Variants in LAMA1 observed in about 807,000 individuals in gnomAD.
LAMA1 encodes the protein laminin subunit alpha-1.
LAMA1 carries 219 observed loss-of-function variants against 348.7 expected under a neutral mutation model. That is an observed-to-expected ratio of 0.63 (90% CI 0.56 to 0.70). LAMA1 has a LOEUF of 0.70. LAMA1 is among the 30% of genes least tolerant of loss of function. The pLI, the probability that LAMA1 is intolerant of heterozygous loss-of-function variation, is 0.00. For synonymous variants in LAMA1, 1,487 were observed against 1,491.0 expected, an observed-to-expected ratio of 1.00 and a Z score of 0.06; for missense variants, 3,744 against 3,888.0, an observed-to-expected ratio of 0.96 and a Z score of 0.99.
At chr18:7,096,474 C>T (rs61655688) in intron 1 of LAMA1, among the ~76,000 whole-genome samples, 4,898 of 152,062 alleles carry the variant, frequency 0.032, 201 homozygotes, top group African/African-American at 0.093. Context: ...CCCAGGAGTA[C>T]AACACCAGCC....
Position 7,048,411 on chromosome 18 carries a change from T to C in LAMA1, c.768+667A>G, listed in dbSNP as rs1178066558. ...GTCAGACTACAAAAACGGACACAAC[T>C]ACTTTTATTTTTATTTTTTAAATAG... On this transcript the variant is annotated intron_variant, in intron 5 of 62. Transcript: ENST00000389658. Among the ~76,000 whole-genome samples, 3 of 152,046 alleles carry C rather than the reference T, an allele frequency of 2.0e-5. No individual in the cohort carries two copies. In the East Asian group the frequency reaches 5.8e-4, roughly 29 times the overall value.
At position 7,036,908 on chromosome 18, in the gene LAMA1, T is replaced by C. The variant is rs145800062; in HGVS notation, c.1737+670A>G. Among the ~76,000 whole-genome samples the C allele has an allele frequency of 1.1e-3, 165 of 152,108 alleles. 1 individual carries two copies. In the Middle Eastern group the frequency reaches 0.017, roughly 16 times the overall value. ...AAGCAGGGAGCTATAATAATTGAGA[T>C]GCATTCTCGGGAATAAATTTTCGTA... is the stretch of plus-strand genomic sequence containing the variant. On this transcript the variant is annotated intron_variant, in intron 12 of 62. Transcript: ENST00000389658.
At chr18:7,077,265 A>G (rs2058172871) in intron 3 of LAMA1, among the ~76,000 whole-genome samples, 1 of 140,188 alleles carries the variant, frequency 7.1e-6, no homozygotes, top group South Asian at 2.2e-4. Flanking sequence ...GCAGTGGTGC[A>G]GTCTCGGCTC....
Position 6,942,127 on chromosome 18 carries a change from G to T in LAMA1, c.9180C>A (p.Phe3060Leu), listed in dbSNP as rs757843635. ...AATGAAGGAAAACTCCGTGCAGTTC[G>T]AACGCTCTGCTGAAGTCAAAGGACT... ...QVQSFDFSRA[F>L]ELHGVFLHSC... is the part of the protein sequence containing the mutation. Residue 3060 changes from phenylalanine (F) to leucine (L), a missense_variant, in exon 63 of 63, where the codon TTC becomes TTA. Physicochemically the swap from Phe to Leu is conservative, Grantham distance 22 (BLOSUM62 0). Around this residue, in one of 3 missense-constraint regions of LAMA1, gnomAD observed 232 missense variants for 264.4 expected, o/e 0.88. Coordinates refer to ENST00000389658, the MANE Select transcript of LAMA1 (RefSeq NM_005559.4). The T allele has an allele frequency of 1.9e-6, 3 of 1,614,154 alleles. No homozygotes were observed. The highest frequency in any genetic ancestry group is 1.1e-5 in the South Asian group (1 of 91,076).
At chr18:7,010,452 G>C in intron 25 of LAMA1, 67 bp from the exon 26 acceptor site, 1 of 1,396,160 alleles carries the variant, frequency 7.2e-7, no homozygotes, top group Non-Finnish European at 1.0e-6. Flanking sequence ...TTTATTGCAA[G>C]ACTGCCACCA....
chr18:7,028,955 A>G (rs1039209249), intron 16 of LAMA1, among the ~76,000 whole-genome samples: 5 of 152,156 alleles, frequency 3.3e-5, no homozygotes, highest in African/African-American at 2.4e-5. Context: ...CTCATTTTAC[A>G]TACTTTCATT....
chr18:7,007,295 G>C lies in LAMA1; in HGVS notation c.4123-19C>G. ...CGCAGTCCTGAGGGGGTGCAAAAGG[G>C]AGGACAAAAAAGTCTGATTAATGAG... is the stretch of plus-strand genomic sequence containing the variant. On this transcript the variant is annotated intron_variant, in intron 28 of 62. Coordinates refer to ENST00000389658, the MANE Select transcript of LAMA1 (RefSeq NM_005559.4). The C allele has an allele frequency of 1.2e-6, 2 of 1,609,050 alleles. No individual in the cohort carries two copies. The highest frequency in any genetic ancestry group is 1.7e-6 in the Non-Finnish European group (2 of 1,177,530).
At chr18:7,022,500 G>A (rs1191520821) in intron 19 of LAMA1, among the ~76,000 whole-genome samples, 13 of 152,254 alleles carry the variant, frequency 8.5e-5, no homozygotes, top group South Asian at 6.2e-4. Context: ...TCCCCATGTC[G>A]TAGTACCATA....
At chr18:7,117,589 G>C in intron 1 of LAMA1, 71 bp downstream of exon 1, 1 of 1,514,928 alleles carries the variant, frequency 6.6e-7, no homozygotes, top group East Asian at 2.4e-5. Flanking sequence ...AACGCGACGG[G>C]CTTTGTCCGC....
chr18:7,004,567 G>T (rs960421396), intron 29 of LAMA1, among the ~76,000 whole-genome samples: 38 of 152,230 alleles, frequency 2.5e-4, no homozygotes, highest in African/African-American at 9.2e-4. Context: ...GGTCAGGCTG[G>T]TCTCAAACTC....
Position 6,942,117 on chromosome 18 carries a change from C to A in LAMA1, c.9190G>T (p.Gly3064Ter). The A allele has an allele frequency of 6.2e-7, 1 of 1,614,164 alleles. No homozygotes were observed. Among genetic ancestry groups the A allele is most frequent in the South Asian group, 1.1e-5 (1 of 91,082 alleles). ...FDFSRAFELH[G>*]VFLHSCPGTE... ...CCAGGACAGGAATGAAGGAAAACTCCGTGCAGTTCGAACGCTCTGCTGAAG... is the reference window on the plus strand; with the variant it reads ...CCAGGACAGGAATGAAGGAAAACTCAGTGCAGTTCGAACGCTCTGCTGAAG... Residue 3064 changes from glycine to a stop codon, truncating the protein, a stop_gained, in exon 63 of 63, where the codon GGA becomes TGA. Coordinates refer to ENST00000389658, the MANE Select transcript of LAMA1 (RefSeq NM_005559.4). LOFTEE classifies it high-confidence loss of function.
rs755323688 is a variant in LAMA1, at chr18:7,043,344, C to T, written c.1038G>A (p.Lys346=). 7 of 1,613,958 alleles carry T rather than the reference C, an allele frequency of 4.3e-6. No individual in the cohort carries two copies. Among genetic ancestry groups the T allele is most frequent in the Non-Finnish European group, 5.9e-6 (7 of 1,180,024 alleles). ...CYYDESVAKQ[K]KSLNTAGQFR... ...ACTGTCCAGCAGTATTCAAACTTTT[C>T]TTCTGCTTTGCAACACTTTCATCAT... Residue 346 remains lysine (K), a synonymous_variant, in exon 8 of 63, where the codon AAG becomes AAA. Transcript: ENST00000389658.
At position 6,942,202 on chromosome 18, in the gene LAMA1, C is replaced by T. The variant is rs757140298; in HGVS notation, c.9105G>A (p.Ser3035=). 85 of 1,613,984 alleles carry T rather than the reference C, an allele frequency of 5.3e-5. No homozygotes were observed. The South Asian group carries it at 5.9e-4, about 11-fold the overall frequency. ...CTAGCTTCCTCAAACACCCGCGGAA[C>T]GAGGTCTGGCTGCGCAGGCATTTTT... is the stretch of plus-strand genomic sequence containing the variant. ...VKQKCLRSQT[S]FRGCLRKLAL... The change falls in exon 63 of 63, where the codon TCG becomes TCA. Residue 3035 remains serine (S), a synonymous_variant. Coordinates refer to ENST00000389658, the MANE Select transcript of LAMA1 (RefSeq NM_005559.4).
chr18:7,035,914 G>A, intron 13 of LAMA1, 73 bp downstream of exon 13: 13 of 1,285,248 alleles, frequency 1.0e-5, no homozygotes, highest in Non-Finnish European at 1.4e-5. Context: ...TCCTCACCTA[G>A]TAACTTTCAG....
intron 5 of LAMA1, among the ~76,000 whole-genome samples, chr18:7,048,359 T>C (rs1368648579): frequency 6.6e-6 from 1 of 152,172 alleles, no homozygotes; most frequent in Non-Finnish European, 1.5e-5. Context: ...CAGTGTGTAG[T>C]GCAGCCAGAA....
chr18:6,973,928 C>T (rs1011632544), intron 46 of LAMA1, among the ~76,000 whole-genome samples: 1 of 152,154 alleles, frequency 6.6e-6, no homozygotes, highest in Non-Finnish European at 1.5e-5. Context: ...TACAGGCACA[C>T]ACCACTGTGC....
intron 51 of LAMA1, among the ~76,000 whole-genome samples, chr18:6,962,721 G>A (rs1269131812): frequency 6.6e-6 from 1 of 152,156 alleles, no homozygotes; most frequent in Non-Finnish European, 1.5e-5. Context: ...CTTCCCATGG[G>A]GACAAGTGCA....
intron 21 of LAMA1, 64 bp downstream of exon 21, chr18:7,016,427 G>T: frequency 6.3e-7 from 1 of 1,586,096 alleles, no homozygotes; most frequent in Non-Finnish European, 8.7e-7. Context: ...TGGAAGTAGA[G>T]GGAGGGCCCA....
intron 61 of LAMA1, among the ~76,000 whole-genome samples, chr18:6,944,290 A>G (rs1359908956): frequency 2.0e-5 from 3 of 152,174 alleles, no homozygotes; most frequent in African/African-American, 4.8e-5. Flanking sequence ...TGCCGGGATT[A>G]CAGGTGTGAG....
Sources: gnomAD v4.1 joint callset for allele counts (sites outside exome capture counted in the v4.1 genomes callset) on GRCh38, gnomAD v4.1.1 for gene constraint, gnomAD v4.1.1 regional missense constraint, MANE v1.5 for transcripts, NCBI Gene and HGNC (gene_info 2026-07-23, HGNC 2026-07-21) for gene names.